Variants in KALRN observed in about 807,000 individuals in gnomAD.
KALRN encodes the protein kalirin RhoGEF kinase.
KALRN carries 70 observed loss-of-function variants against 353.7 expected under a neutral mutation model. That is an observed-to-expected ratio of 0.20 (90% CI 0.16 to 0.24). The LOEUF is 0.24. KALRN is among the 10% of genes least tolerant of loss of function. The probability of loss-of-function intolerance (pLI) is 1.00; values close to 1 mark genes in which losing one functional copy is unlikely to be tolerated. For synonymous variants in KALRN, 1,391 were observed against 1,434.8 expected, an observed-to-expected ratio of 0.97 and a Z score of 0.69; for missense variants, 2,791 against 3,756.7, an observed-to-expected ratio of 0.74 and a Z score of 6.72.
At chr3:124,128,368 T>C (rs547820716) in intron 1 of KALRN, among the ~76,000 whole-genome samples, 5 of 152,324 alleles carry the variant, frequency 3.3e-5, no homozygotes, top group Admixed American at 6.5e-5. Flanking sequence ...ACTTTTTGTA[T>C]ATTAAAAGAT....
intron 1 of KALRN, among the ~76,000 whole-genome samples, chr3:124,087,282 G>A (rs1258332778): frequency 6.6e-6 from 1 of 152,128 alleles, no homozygotes; most frequent in Non-Finnish European, 1.5e-5. Flanking sequence ...AAAGCAAGTA[G>A]CCAAATTAGA....
rs138046986 is a variant in KALRN at position 124,212,224 on chromosome 3, T to TAA, written c.74-15757_74-15756dup. ...AAAGTTTGAAAACTATAGAAAAGTG[T>TAA]AAAAAAAAAATGAAATATCCCCATA... is the stretch of plus-strand genomic sequence containing the variant. On this transcript the variant is annotated intron_variant, in intron 1 of 59. Coordinates refer to ENST00000682506, the MANE Select transcript of KALRN (RefSeq NM_001388419.1). 2.0e-3 allele frequency among the ~76,000 whole-genome samples: 293 copies of TAA among 148,470 alleles called. 2 individuals are homozygous for TAA. Among genetic ancestry groups the TAA allele is most frequent in the African/African-American group, 6.6e-3 (266 of 40,504 alleles).
Position 124,481,816 on chromosome 3 carries a change from C to T in KALRN, c.4192-992C>T, listed in dbSNP as rs185347694. Among the ~76,000 whole-genome samples the T allele has an allele frequency of 3.2e-3, 484 of 152,338 alleles. 1 individual carries two copies. Among genetic ancestry groups the T allele is most frequent in the Non-Finnish European group, 5.3e-3 (363 of 68,014 alleles). On this transcript the variant is annotated intron_variant, in intron 27 of 59. Coordinates refer to ENST00000682506, the MANE Select transcript of KALRN (RefSeq NM_001388419.1). ...CTCTTAGCCCCAGGTGAGGTTGAGG[C>T]CTTATCTCTACTAACCACCCGGCCA...
At chr3:124,144,778 G>T (rs1005557691) in intron 1 of KALRN, among the ~76,000 whole-genome samples, 2 of 151,972 alleles carry the variant, frequency 1.3e-5, no homozygotes, top group South Asian at 4.2e-4. Context: ...TTTCATAAAC[G>T]AGTCACTTTT....
chr3:124,052,193 A>G (rs2041106635), intron 1 of KALRN, among the ~76,000 whole-genome samples: 1 of 152,232 alleles, frequency 6.6e-6, no homozygotes, highest in Non-Finnish European at 1.5e-5. Context: ...GTGACCCAGC[A>G]TCCTTATATG....
In KALRN at chr3:124,199,165, G is replaced by A. The variant is rs78720306; in HGVS notation, c.74-28825G>A. ...CACAGGTTGGAGCATTGATACTGCA[G>A]TGCATGCCTGACATTCACTCTTGCT... On this transcript the variant is annotated intron_variant, in intron 1 of 59. Coordinates refer to ENST00000682506, the MANE Select transcript of KALRN (RefSeq NM_001388419.1). Among the ~76,000 whole-genome samples the A allele has an allele frequency of 4.1e-3, 617 of 152,342 alleles. 2 individuals carry two copies. Among genetic ancestry groups the A allele is most frequent in the African/African-American group, 0.014 (576 of 41,578 alleles).
At chr3:124,098,235 T>G (rs1027609452) in intron 1 of KALRN, among the ~76,000 whole-genome samples, 18 of 152,150 alleles carry the variant, frequency 1.2e-4, no homozygotes, top group African/African-American at 3.9e-4. Context: ...TTTACAGATG[T>G]TTCTTGAGCT....
At chr3:124,618,511 G>A (rs559080499) in intron 34 of KALRN, among the ~76,000 whole-genome samples, 11 of 152,248 alleles carry the variant, frequency 7.2e-5, no homozygotes, top group African/African-American at 2.4e-4. Context: ...GTTATATACA[G>A]TCATTTGTAT....
At chr3:124,660,080 T>G (rs2084639475) in intron 43 of KALRN, among the ~76,000 whole-genome samples, 1 of 151,854 alleles carries the variant, frequency 6.6e-6, no homozygotes, top group African/African-American at 2.4e-5. Flanking sequence ...AACAGATGCA[T>G]GTCATCATGC....
At chr3:124,661,140 T>G (rs767225807) in intron 44 of KALRN, among the ~76,000 whole-genome samples, 167 bp downstream of exon 44, 11 of 152,170 alleles carry the variant, frequency 7.2e-5, no homozygotes, top group Non-Finnish European at 1.3e-4. Context: ...ATGGCAAGTG[T>G]TAACACAGTG....
chr3:124,495,183 G>C (rs538185531), intron 32 of KALRN, among the ~76,000 whole-genome samples: 50 of 152,280 alleles, frequency 3.3e-4, no homozygotes, highest in African/African-American at 1.2e-3. Flanking sequence ...CTGACACACA[G>C]AAGCACAGCT....
chr3:124,337,594 C>A (rs2081265829), intron 9 of KALRN, among the ~76,000 whole-genome samples: 1 of 152,108 alleles, frequency 6.6e-6, no homozygotes, highest in African/African-American at 2.4e-5. Context: ...GGATATTGGC[C>A]TGAGATTTTC....
intron 34 of KALRN, among the ~76,000 whole-genome samples, chr3:124,618,904 A>G (rs1287469924): frequency 2.0e-5 from 3 of 152,166 alleles, no homozygotes; most frequent in Admixed American, 2.0e-4. Flanking sequence ...CTACTTATCC[A>G]CTAATTCTTG....
intron 33 of KALRN, among the ~76,000 whole-genome samples, chr3:124,537,453 C>T (rs888841078): frequency 2.6e-5 from 4 of 152,148 alleles, no homozygotes; most frequent in African/African-American, 9.7e-5. Flanking sequence ...AAATATCATT[C>T]TGCTAGAGTG....
intron 1 of KALRN, among the ~76,000 whole-genome samples, chr3:124,188,803 CT>C (rs1470779023): frequency 6.6e-6 from 1 of 152,194 alleles, no homozygotes; most frequent in Non-Finnish European, 1.5e-5. Flanking sequence ...GACTTAATGA[CT>C]CACAGCAAAG....
intron 1 of KALRN, among the ~76,000 whole-genome samples, chr3:124,106,484 G>A (rs1044347973): frequency 6.6e-6 from 1 of 152,238 alleles, no homozygotes. Flanking sequence ...ATAGCAGCAA[G>A]GGAGAGGAGC....
At chr3:124,366,826 G>T (rs2084787183) in intron 10 of KALRN, among the ~76,000 whole-genome samples, 1 of 147,756 alleles carries the variant, frequency 6.8e-6, no homozygotes, top group Non-Finnish European at 1.5e-5. Context: ...GGCTGGCTGG[G>T]CGGGGGTCTG....
Position 124,706,821 on chromosome 3 carries a change from C to T in KALRN, c.8075+4705C>T, listed in dbSNP as rs541505769. Among the ~76,000 whole-genome samples, 66 of 151,500 alleles carry T rather than the reference C, an allele frequency of 4.4e-4. 3 individuals carry two copies. In the South Asian group the frequency reaches 0.013, roughly 31 times the overall value. On this transcript the variant is annotated intron_variant, in intron 57 of 59. Transcript: ENST00000682506. ...TTGACCTCAGGTGATCCGCCTGCCTCAGCCTCCCAAAGTGCTGGGATTACA... is the reference window on the plus strand; with the variant it reads ...TTGACCTCAGGTGATCCGCCTGCCTTAGCCTCCCAAAGTGCTGGGATTACA...
At chr3:124,524,138 C>T (rs965165517) in intron 33 of KALRN, among the ~76,000 whole-genome samples, 3 of 152,150 alleles carry the variant, frequency 2.0e-5, no homozygotes, top group African/African-American at 7.2e-5. Flanking sequence ...CATAAACATC[C>T]GGATGTCTTC....
Sources: gnomAD v4.1 joint callset for allele counts (sites outside exome capture counted in the v4.1 genomes callset) on GRCh38, gnomAD v4.1.1 for gene constraint, MANE v1.5 for transcripts, NCBI Gene and HGNC (gene_info 2026-07-23, HGNC 2026-07-21) for gene names.